MMP16: variants seen among roughly 807,000 people sequenced by gnomAD.
The protein encoded by MMP16 is matrix metallopeptidase 16.
Under a neutral mutation model 67.8 loss-of-function variants are expected in MMP16, and 12 were observed. The observed-to-expected ratio is 0.18, with a 90% CI of 0.11 to 0.29. The LOEUF is 0.29. MMP16 is among the 10% of genes least tolerant of loss of function. The pLI is 1.00. For missense variants in MMP16, 475 were observed against 765.7 expected (o/e 0.62, Z 4.48); for synonymous variants, 249 against 255.9 (o/e 0.97, Z 0.26).
chr8:88,138,948 C>G lies in MMP16; in HGVS notation c.710-20087G>C, dbSNP rs367544997. 8.5e-5 allele frequency among the ~76,000 whole-genome samples: 13 copies of G among 152,218 alleles called. No individual in the cohort carries two copies. The South Asian group carries it at 2.3e-3, about 27-fold the overall frequency. ...TATGTTTTTCAGGTTCACTCAATCA[C>G]TTTTTTGACTTTGCCAGTGAGCAAT... is the stretch of plus-strand genomic sequence containing the variant. On this transcript the variant is annotated intron_variant, in intron 4 of 9. Transcript: ENST00000286614.
chr8:88,138,714 A>T (rs1160285220), intron 4 of MMP16, among the ~76,000 whole-genome samples: 1 of 152,066 alleles, frequency 6.6e-6, no homozygotes, highest in African/African-American at 2.4e-5. Flanking sequence ...AGATCACCTA[A>T]GTATGTAAGC....
At chr8:88,194,527 A>G (rs1809221108) in intron 2 of MMP16, among the ~76,000 whole-genome samples, 1 of 152,094 alleles carries the variant, frequency 6.6e-6, no homozygotes, top group South Asian at 2.1e-4. Context: ...CAAAAATAGT[A>G]CACTATTTCA....
At chr8:88,264,849 G>A (rs1006208837) in intron 1 of MMP16, among the ~76,000 whole-genome samples, 3 of 152,294 alleles carry the variant, frequency 2.0e-5, no homozygotes, top group Admixed American at 2.0e-4. Context: ...CTCAAAAATC[G>A]TGCCCTAACC....
intron 1 of MMP16, among the ~76,000 whole-genome samples, chr8:88,227,794 T>G (rs1809793941): frequency 6.6e-6 from 1 of 152,074 alleles, no homozygotes; most frequent in Admixed American, 6.6e-5. Flanking sequence ...CTTCATAAGC[T>G]GACCCTTCAA....
intron 8 of MMP16, among the ~76,000 whole-genome samples, chr8:88,054,038 T>C (rs1808301901): frequency 6.6e-6 from 1 of 152,214 alleles, no homozygotes; most frequent in African/African-American, 2.4e-5. Flanking sequence ...ATTTCACAAA[T>C]TTAAGGTAGT....
intron 4 of MMP16, among the ~76,000 whole-genome samples, chr8:88,156,335 C>G (rs1402753995): frequency 2.6e-5 from 4 of 151,978 alleles, no homozygotes; most frequent in Non-Finnish European, 5.9e-5. Flanking sequence ...TGGAATCTTC[C>G]TTATGCCCAC....
intron 1 of MMP16, among the ~76,000 whole-genome samples, chr8:88,258,358 C>T (rs1480124441): frequency 6.6e-6 from 1 of 152,126 alleles, no homozygotes; most frequent in Non-Finnish European, 1.5e-5. Context: ...CTTTCAATTT[C>T]CAAAACTATG....
At chr8:88,212,069 C>T (rs1408967658) in intron 1 of MMP16, among the ~76,000 whole-genome samples, 1 of 152,136 alleles carries the variant, frequency 6.6e-6, no homozygotes, top group Non-Finnish European at 1.5e-5. Flanking sequence ...GGGCCTTGAC[C>T]AATCAAGTCC....
intron 1 of MMP16, among the ~76,000 whole-genome samples, chr8:88,287,246 C>A (rs1356041640): frequency 6.6e-6 from 1 of 152,160 alleles, no homozygotes; most frequent in Non-Finnish European, 1.5e-5. Context: ...CGCCAGCCAC[C>A]CTGACCTTTT....
chr8:88,099,326 T>C lies in MMP16; in HGVS notation c.1083+17181A>G, dbSNP rs551890780. ...ACTTCTGATAATTATTTTTAAACTTTACAGTCTAGAACCTTTTGGTTTTTA... is the reference window on the plus strand; with the variant it reads ...ACTTCTGATAATTATTTTTAAACTTCACAGTCTAGAACCTTTTGGTTTTTA... On this transcript the variant is annotated intron_variant, in intron 6 of 9. Coordinates refer to ENST00000286614, the MANE Select transcript of MMP16 (RefSeq NM_005941.5). Among the ~76,000 whole-genome samples the C allele has an allele frequency of 3.9e-5, 6 of 151,946 alleles. No homozygotes were observed. The South Asian group carries it at 1.2e-3, about 31-fold the overall frequency.
intron 4 of MMP16, among the ~76,000 whole-genome samples, chr8:88,125,270 CT>C (rs1481941452): frequency 6.6e-6 from 1 of 150,570 alleles, no homozygotes; most frequent in Non-Finnish European, 1.5e-5. Flanking sequence ...CAGAACTTCA[CT>C]TTTTAAATTA....
chr8:88,065,928 A>G (rs546145852), intron 7 of MMP16, among the ~76,000 whole-genome samples: 137 of 152,214 alleles, frequency 9.0e-4, no homozygotes, highest in Non-Finnish European at 1.5e-3. Flanking sequence ...CTTTTGATAC[A>G]CATCTTGTGT....
chr8:88,294,499 T>C (rs574082369), intron 1 of MMP16, among the ~76,000 whole-genome samples: 40 of 149,114 alleles, frequency 2.7e-4, no homozygotes, highest in African/African-American at 8.2e-4. Context: ...TACACACATA[T>C]GTATATGTCT....
At chr8:88,249,774 G>A (rs1356202977) in intron 1 of MMP16, among the ~76,000 whole-genome samples, 1 of 152,068 alleles carries the variant, frequency 6.6e-6, no homozygotes, top group African/African-American at 2.4e-5. Context: ...GACTGCAAGG[G>A]TAGAGGAAAT....
chr8:88,245,761 T>C (rs892014513), intron 1 of MMP16, among the ~76,000 whole-genome samples: 2 of 152,148 alleles, frequency 1.3e-5, no homozygotes, highest in South Asian at 4.1e-4. Context: ...AGGGAACAGA[T>C]GGCAAAAGAA....
chr8:88,270,185 T>C (rs1356165838), intron 1 of MMP16, among the ~76,000 whole-genome samples: 1 of 152,204 alleles, frequency 6.6e-6, no homozygotes, highest in Non-Finnish European at 1.5e-5. Context: ...CTAAATGCAT[T>C]ACAGGATTAT....
intron 6 of MMP16, among the ~76,000 whole-genome samples, chr8:88,105,859 AAAAT>A (rs1381271060): frequency 6.6e-6 from 1 of 151,254 alleles, no homozygotes; most frequent in Admixed American, 6.6e-5. Flanking sequence ...TGTTCAGTGA[AAAAT>A]AAAACTGCAT....
Position 88,058,792 on chromosome 8 carries a change from T to C in MMP16, c.1223-2514A>G, listed in dbSNP as rs184884026. ...GAGGATCATGTAACCCCTGTAGGAG[T>C]TGAACTTTATTCTAAATGAAATAGG... On this transcript the variant is annotated intron_variant, in intron 7 of 9. Transcript: ENST00000286614. The surrounding 1 kb of genome is among the most constrained non-coding windows in gnomAD (Gnocchi z 4.2). 1.9e-3 allele frequency among the ~76,000 whole-genome samples: 282 copies of C among 151,988 alleles called. 2 individuals carry two copies. The highest frequency in any genetic ancestry group is 6.1e-3 in the African/African-American group (255 of 41,502).
intron 1 of MMP16, among the ~76,000 whole-genome samples, chr8:88,316,541 T>C (rs1811376926): frequency 6.6e-6 from 1 of 152,198 alleles, no homozygotes; most frequent in African/African-American, 2.4e-5. Context: ...CATGGTTTAC[T>C]GAGTATTTGA....
Sources: allele counts gnomAD v4.1 joint callset (sites outside exome capture counted in the v4.1 genomes callset), GRCh38; gene constraint gnomAD v4.1.1; non-coding constraint Gnocchi (gnomAD v3.1); transcripts MANE v1.5; gene names NCBI Gene and HGNC (gene_info 2026-07-23, HGNC 2026-07-21).